Variants in HIRA observed in about 807,000 individuals in gnomAD.
HIRA encodes the protein histone cell cycle regulator, also known as protein HIRA.
A neutral mutation model predicts 126.6 loss-of-function variants in HIRA; 13 were observed. The ratio of observed to expected loss-of-function variants is 0.10; its 90% CI spans 0.07 to 0.16. The LOEUF (loss-of-function observed/expected upper bound fraction) is 0.16. Among genes scored for constraint, HIRA ranks in the 10% least tolerant of loss-of-function variants. The pLI is 1.00. For synonymous variants in HIRA, 511 were observed against 520.0 expected (o/e 0.98, Z 0.24); for missense variants, 834 against 1,314.4 (o/e 0.63, Z 5.65).
chr22:19,352,776 CCG>C (rs2088771655), intron 23 of HIRA, among the ~76,000 whole-genome samples: 1 of 152,218 alleles, frequency 6.6e-6, no homozygotes, highest in African/African-American at 2.4e-5. Context: ...CTGCCCCATG[CCG>C]CACCCTGAAG....
chr22:19,391,738 C>T (rs1188045082), intron 9 of HIRA, among the ~76,000 whole-genome samples: 2 of 152,146 alleles, frequency 1.3e-5, no homozygotes, highest in Non-Finnish European at 1.5e-5. Context: ...CCTCGGCCTC[C>T]TAAAGTGCTG....
chr22:19,344,392 C>G (rs1010651352), intron 24 of HIRA, among the ~76,000 whole-genome samples: 1 of 152,062 alleles, frequency 6.6e-6, no homozygotes, highest in Non-Finnish European at 1.5e-5. Flanking sequence ...ACAGCATGAA[C>G]AACTATATGA....
intron 11 of HIRA, among the ~76,000 whole-genome samples, chr22:19,387,355 C>A (rs1475269000): frequency 2.0e-5 from 3 of 152,156 alleles, no homozygotes; most frequent in Admixed American, 6.5e-5. Context: ...TAAGAAATGA[C>A]CAATATTACT....
chr22:19,332,527 T>C (rs1262302961), intron 24 of HIRA, among the ~76,000 whole-genome samples: 1 of 151,976 alleles, frequency 6.6e-6, no homozygotes, highest in Admixed American at 6.6e-5. Flanking sequence ...ACTCCTAAAA[T>C]AGATCATGTT....
At chr22:19,347,834 G>A (rs1226264673) in intron 24 of HIRA, among the ~76,000 whole-genome samples, 1 of 152,210 alleles carries the variant, frequency 6.6e-6, no homozygotes, top group African/African-American at 2.4e-5. Flanking sequence ...AGCTACTTGG[G>A]AGGCTGAGGC....
intron 15 of HIRA, among the ~76,000 whole-genome samples, chr22:19,372,027 T>A (rs1601825218): frequency 6.6e-6 from 1 of 152,374 alleles, no homozygotes; most frequent in East Asian, 1.9e-4. Context: ...ATTTTACCAT[T>A]TGAGGAACTT....
At chr22:19,388,459 T>C (rs2146221361) in intron 10 of HIRA, 25 bp downstream of exon 10, 2 of 1,567,432 alleles carry the variant, frequency 1.3e-6, no homozygotes, top group East Asian at 4.5e-5. Context: ...TCTTAACCTA[T>C]TCCTGTAAGT....
rs567287536 is a variant in HIRA at position 19,417,091 on chromosome 22, T to C, written c.38-6313A>G. Among the ~76,000 whole-genome samples, 72 of 152,020 alleles carry C rather than the reference T, an allele frequency of 4.7e-4. 1 individual carries two copies. In the South Asian group the frequency reaches 0.015, roughly 31 times the overall value. On this transcript the variant is annotated intron_variant, in intron 1 of 24. Transcript: ENST00000263208. ...GGTGGGTGCCTGTAGTCCTATCTAC[T>C]CTGGAGGCTGAAGCAGGAGAATCAC... is the stretch of plus-strand genomic sequence containing the variant.
intron 21 of HIRA, among the ~76,000 whole-genome samples, chr22:19,355,283 A>G (rs2088800493): frequency 6.6e-6 from 1 of 152,182 alleles, no homozygotes; most frequent in Non-Finnish European, 1.5e-5. Flanking sequence ...TTTTGCAAGT[A>G]CAAAAAAGGG....
At chr22:19,430,935 C>T (rs2089531051) in intron 1 of HIRA, among the ~76,000 whole-genome samples, 1 of 152,176 alleles carries the variant, frequency 6.6e-6, no homozygotes, top group South Asian at 2.1e-4. Context: ...CCGGGGCCCC[C>T]AAACCCTCCT....
intron 13 of HIRA, 59 bp downstream of exon 13, chr22:19,383,545 GTGAAAGTGTTAACCGC>G: frequency 8.3e-7 from 1 of 1,206,728 alleles, no homozygotes; most frequent in Non-Finnish European, 1.2e-6. Context: ...GATCCTCACT[GTGAAAGTGTTAACCGC>G]TGAAAGAAGA....
intron 24 of HIRA, among the ~76,000 whole-genome samples, chr22:19,334,582 T>A (rs1209442649): frequency 6.6e-6 from 1 of 150,562 alleles, no homozygotes; most frequent in Admixed American, 6.6e-5. Flanking sequence ...AGGTCAGGAG[T>A]TCGAGACCAG....
intron 11 of HIRA, among the ~76,000 whole-genome samples, chr22:19,386,890 TC>T (rs2089132048): frequency 6.6e-6 from 1 of 152,160 alleles, no homozygotes; most frequent in Non-Finnish European, 1.5e-5. Context: ...GGCAGACCTC[TC>T]CCCCAAAGGG....
In HIRA at chr22:19,398,057, T is replaced by A; in HGVS notation, c.428A>T (p.Asp143Val). The change falls in exon 6 of 25, where the codon GAT becomes GTT. Residue 143 changes from aspartate (D) to valine (V), a missense_variant. Coordinates refer to ENST00000263208, the MANE Select transcript of HIRA (RefSeq NM_003325.4). ...CACGCTGCATGAGGCTAGCCAGGCA[T>A]CGTGGGGAGACCATGCTACATCCAT... ...DVMDVAWSPH[D>V]AWLASCSVDN... 1 of 1,614,050 alleles carries A rather than the reference T, an allele frequency of 6.2e-7. No homozygotes were observed. Among genetic ancestry groups the A allele is most frequent in the Non-Finnish European group, 8.5e-7 (1 of 1,179,958 alleles).
intron 15 of HIRA, among the ~76,000 whole-genome samples, chr22:19,367,901 T>G (rs1269104667): frequency 6.6e-6 from 1 of 152,224 alleles, no homozygotes; most frequent in African/African-American, 2.4e-5. Flanking sequence ...TTGGTCCTTA[T>G]AAACATTAAA....
chr22:19,332,191 T>A (rs2088497309), intron 24 of HIRA, among the ~76,000 whole-genome samples: 1 of 152,132 alleles, frequency 6.6e-6, no homozygotes, highest in Non-Finnish European at 1.5e-5. Flanking sequence ...GTACGGCTGC[T>A]CCAAAGGGAA....
chr22:19,392,494 A>G (rs1798746451), intron 8 of HIRA, among the ~76,000 whole-genome samples: 1 of 152,226 alleles, frequency 6.6e-6, no homozygotes, highest in African/African-American at 2.4e-5. Context: ...GGAGCTTGCC[A>G]AGTAGAAGGG....
At chr22:19,428,794 A>G (rs1569316856) in intron 1 of HIRA, among the ~76,000 whole-genome samples, 1 of 152,140 alleles carries the variant, frequency 6.6e-6, no homozygotes, top group Non-Finnish European at 1.5e-5. Context: ...TAAAAAAAAA[A>G]GTTATGTTTG....
rs140861203 is a variant in HIRA, at chr22:19,352,392, C to T, written c.2849-946G>A. ...GAGCACCACAGGAGAGGTATGAGAG[C>T]CTGGGAAGGCTGAGTATTCAGAAAA... On this transcript the variant is annotated intron_variant, in intron 23 of 24. Coordinates refer to ENST00000263208, the MANE Select transcript of HIRA (RefSeq NM_003325.4). Among the ~76,000 whole-genome samples, 1,186 of 152,156 alleles carry T rather than the reference C, an allele frequency of 7.8e-3. 14 individuals carry two copies. The highest frequency in any genetic ancestry group is 0.025 in the African/African-American group (1,025 of 41,490).
Sources: allele counts gnomAD v4.1 joint callset (sites outside exome capture counted in the v4.1 genomes callset), GRCh38; gene constraint gnomAD v4.1.1; transcripts MANE v1.5; gene names NCBI Gene and HGNC (gene_info 2026-07-23, HGNC 2026-07-21).